PHLDB2: variants seen among roughly 807,000 people sequenced by gnomAD.
The protein encoded by PHLDB2 is pleckstrin homology-like domain family B member 2.
Under a neutral mutation model 123.6 loss-of-function variants are expected in PHLDB2, and 71 were observed. That is an observed-to-expected ratio of 0.57 (90% CI 0.47 to 0.70). PHLDB2 has a LOEUF of 0.70. Ranked by LOEUF, PHLDB2 falls within the 30% of genes least tolerant of loss-of-function variation. The probability of loss-of-function intolerance (pLI) is 0.00; values close to 1 mark genes in which losing one functional copy is unlikely to be tolerated. For missense variants in PHLDB2, 1,446 were observed against 1,519.5 expected, an observed-to-expected ratio of 0.95 and a Z score of 0.80; for synonymous variants, 547 against 541.6, an observed-to-expected ratio of 1.01 and a Z score of -0.14.
At chr3:111,908,176 T>C (rs544367613) in intron 2 of PHLDB2, among the ~76,000 whole-genome samples, 38 of 152,300 alleles carry the variant, frequency 2.5e-4, no homozygotes, top group African/African-American at 8.9e-4. Context: ...TGGCCCACTC[T>C]ACCCTAAACA....
Position 111,885,228 on chromosome 3 carries a change from C to T in PHLDB2, c.1151C>T (p.Ser384Phe). The T allele has an allele frequency of 6.2e-7, 1 of 1,614,154 alleles. No individual in the cohort carries two copies. Among genetic ancestry groups the T allele is most frequent in the Non-Finnish European group, 8.5e-7 (1 of 1,180,028 alleles). ...GTTTTTGCGACCAGGAGGAACTTCT[C>T]TTGTGGATCTGTGGAATTTGATGAG... ...DRVFATRRNF[S>F]CGSVEFDEAD... The change falls in exon 2 of 18, where the codon TCT (serine) becomes TTT (phenylalanine). Residue 384 changes from serine (S) to phenylalanine (F), a missense_variant. Transcript: ENST00000431670.
In PHLDB2 at chr3:111,806,633, G is replaced by A. The variant is rs546384565; in HGVS notation, c.-48-39188G>A. On this transcript the variant is annotated intron_variant, in intron 1 of 17. Transcript: ENST00000393923. ...CTCAAGTAACTGGGACTATAGGCACGAGCCAGCACACCTGGCTAATTTTTG... is the reference window on the plus strand; with the variant it reads ...CTCAAGTAACTGGGACTATAGGCACAAGCCAGCACACCTGGCTAATTTTTG... Among the ~76,000 whole-genome samples the A allele has an allele frequency of 4.3e-3, 651 of 151,760 alleles. 6 individuals are homozygous for A. The highest frequency in any genetic ancestry group is 0.014 in the African/African-American group (598 of 41,412).
At chr3:111,799,674 ATTT>A (rs2061310557) in intron 1 of PHLDB2, among the ~76,000 whole-genome samples, 2 of 152,200 alleles carry the variant, frequency 1.3e-5, no homozygotes, top group African/African-American at 4.8e-5. Context: ...ACTTCCAGCA[ATTT>A]CACTGCTGGA....
intron 1 of PHLDB2, among the ~76,000 whole-genome samples, chr3:111,790,227 T>C (rs1322824596): frequency 1.3e-5 from 2 of 152,086 alleles, no homozygotes; most frequent in Non-Finnish European, 2.9e-5. Context: ...CTTCCCTTAT[T>C]AGAAATAAAG....
intron 1 of PHLDB2, among the ~76,000 whole-genome samples, chr3:111,816,386 T>C (rs533900529): frequency 9.5e-4 from 145 of 152,304 alleles, no homozygotes; most frequent in African/African-American, 3.1e-3. Context: ...TGCAAAGCCA[T>C]AGGGGCAGAG....
chr3:111,879,547 G>A (rs905148786), intron 1 of PHLDB2, among the ~76,000 whole-genome samples: 2 of 152,190 alleles, frequency 1.3e-5, no homozygotes, highest in Non-Finnish European at 2.9e-5. Flanking sequence ...AGAGGCAGAA[G>A]TGGAGGAGGT....
intron 1 of PHLDB2, among the ~76,000 whole-genome samples, chr3:111,734,315 C>T (rs1380534618): frequency 1.3e-5 from 2 of 152,150 alleles, no homozygotes; most frequent in African/African-American, 4.8e-5. Flanking sequence ...CATGGCAACC[C>T]ATGCCTGTAA....
In PHLDB2 at chr3:111,961,917, C is replaced by T. The variant is rs188451614; in HGVS notation, c.2873-191C>T. On this transcript the variant is annotated intron_variant, in intron 12 of 17. Coordinates refer to ENST00000431670, the MANE Select transcript of PHLDB2 (RefSeq NM_001134438.2). ...CTGAGGGGTAAGAGACTCAGCAGAC[C>T]ACTTCATTCAAACTGTTGCTTGCAC... The T allele has an allele frequency of 8.3e-5, 49 of 590,316 alleles. No individual in the cohort carries two copies. The African/African-American group carries it at 9.2e-4, about 11-fold the overall frequency. The allele number at this position is 590,316 out of a possible 1,614,324, so 36.6% of individuals were successfully genotyped here.
At chr3:111,817,285 A>C (rs1056825135) in intron 1 of PHLDB2, among the ~76,000 whole-genome samples, 1 of 152,188 alleles carries the variant, frequency 6.6e-6, no homozygotes, top group East Asian at 1.9e-4. Flanking sequence ...AAATTTCAAC[A>C]TGAGCTTTGG....
At chr3:111,740,724 C>G (rs557742337) in intron 1 of PHLDB2, among the ~76,000 whole-genome samples, 1 of 152,094 alleles carries the variant, frequency 6.6e-6, no homozygotes, top group South Asian at 2.1e-4. Context: ...GCTTGCCCCC[C>G]CACCAAATAC....
intron 1 of PHLDB2, among the ~76,000 whole-genome samples, chr3:111,775,693 T>C (rs888776616): frequency 2.0e-5 from 3 of 152,182 alleles, no homozygotes; most frequent in Non-Finnish European, 4.4e-5. Flanking sequence ...ATTATAAAAC[T>C]AGAGATAAAA....
chr3:111,905,356 C>CATTT lies in PHLDB2; in HGVS notation c.1336-7946_1336-7943dup, dbSNP rs535297556. ...CTTTCTGTTTTTTGTTTTTTTAAGT[C>CATTT]ATTTATTTATTTATTTATTTGAGAC... On this transcript the variant is annotated intron_variant, in intron 2 of 17. Coordinates refer to ENST00000431670, the MANE Select transcript of PHLDB2 (RefSeq NM_001134438.2). Among the ~76,000 whole-genome samples, 564 of 151,834 alleles carry CATTT rather than the reference C, an allele frequency of 3.7e-3. 7 individuals are homozygous for CATTT. The highest frequency in any genetic ancestry group is 0.013 in the African/African-American group (522 of 41,444).
intron 1 of PHLDB2, among the ~76,000 whole-genome samples, chr3:111,757,844 G>C (rs1452729205): frequency 6.6e-6 from 1 of 152,242 alleles, no homozygotes; most frequent in Non-Finnish European, 1.5e-5. Flanking sequence ...CTGCAGGTCT[G>C]TTGGAGTTTG....
At chr3:111,791,526 G>C (rs555114561) in intron 1 of PHLDB2, among the ~76,000 whole-genome samples, 1 of 152,256 alleles carries the variant, frequency 6.6e-6, no homozygotes, top group Non-Finnish European at 1.5e-5. Flanking sequence ...ATGCAAAACT[G>C]TTTTCCAGAG....
intron 9 of PHLDB2, among the ~76,000 whole-genome samples, chr3:111,947,715 T>C (rs2070406259): frequency 6.6e-6 from 1 of 152,234 alleles, no homozygotes; most frequent in Admixed American, 6.5e-5. Flanking sequence ...GACTACTTCT[T>C]TTCTTCAGTT....
At chr3:111,954,563 ATACAT>A (rs1159267054) in intron 12 of PHLDB2, among the ~76,000 whole-genome samples, 1 of 152,164 alleles carries the variant, frequency 6.6e-6, no homozygotes, top group African/African-American at 2.4e-5. Flanking sequence ...TTTTGTAGTA[ATACAT>A]TACATTTATA....
At chr3:111,841,404 A>T (rs2063687925) in intron 1 of PHLDB2, among the ~76,000 whole-genome samples, 1 of 152,232 alleles carries the variant, frequency 6.6e-6, no homozygotes, top group African/African-American at 2.4e-5. Context: ...CCCCTCCTAC[A>T]TACCAGGAAC....
chr3:111,876,869 C>A (rs959515697), intron 1 of PHLDB2, among the ~76,000 whole-genome samples: 2 of 152,186 alleles, frequency 1.3e-5, no homozygotes, highest in Non-Finnish European at 2.9e-5. Context: ...TGGTTTCCAG[C>A]ATCATCCATG....
At chr3:111,904,086 T>C (rs2067364451) in intron 2 of PHLDB2, among the ~76,000 whole-genome samples, 1 of 152,074 alleles carries the variant, frequency 6.6e-6, no homozygotes, top group African/African-American at 2.4e-5. Context: ...GAGACCAGCC[T>C]GGCCAACATG....
Sources: gnomAD v4.1 joint callset for allele counts (sites outside exome capture counted in the v4.1 genomes callset) on GRCh38, gnomAD v4.1.1 for gene constraint, MANE v1.5 for transcripts, NCBI Gene and HGNC (gene_info 2026-07-23, HGNC 2026-07-21) for gene names.